Variants in GPR26 observed in about 807,000 individuals in gnomAD.
GPR26 encodes the protein G protein-coupled receptor 26.
A neutral mutation model predicts 23.1 loss-of-function variants in GPR26; 15 were observed. The observed-to-expected ratio is 0.65, with a 90% CI of 0.43 to 1.00. The LOEUF (loss-of-function observed/expected upper bound fraction) is 1.00, where lower values mean the gene tolerates loss of function less well. Among genes scored for constraint, GPR26 ranks in the 50% least tolerant of loss-of-function variants. The pLI is 0.00. For synonymous variants in GPR26, 228 were observed against 222.1 expected (o/e 1.03, Z -0.24); for missense variants, 359 against 470.5 (o/e 0.76, Z 2.19).
Position 123,674,926 on chromosome 10 carries a change from C to A in GPR26, c.777C>A (p.Ile259=). 6.3e-7 allele frequency: 1 copy of A among 1,597,882 alleles called. No homozygotes were observed. The highest frequency in any genetic ancestry group is 1.1e-5 in the South Asian group (1 of 90,354). Residue 259 remains isoleucine, a synonymous_variant, in exon 2 of 3, where the codon ATC becomes ATA. Transcript: ENST00000284674. The surrounding 1 kb of genome is among the most constrained non-coding windows in gnomAD (Gnocchi z 4.1). ...TTGTGTGCTTCGCGCCCTATGTGATCACCAGGTGAGCCTGATTGGCAGGTG... is the reference window on the plus strand; with the variant it reads ...TTGTGTGCTTCGCGCCCTATGTGATAACCAGGTGAGCCTGATTGGCAGGTG... ...TFLVCFAPYV[I]TRLVELFSTV...
At chr10:123,668,108 C>T (rs1422766908) in intron 1 of GPR26, among the ~76,000 whole-genome samples, 1 of 152,080 alleles carries the variant, frequency 6.6e-6, no homozygotes, top group Non-Finnish European at 1.5e-5. Flanking sequence ...ACAGGGCCAG[C>T]GAGGGCCTTC....
At chr10:123,680,829 G>A (rs55921586) in intron 2 of GPR26, among the ~76,000 whole-genome samples, 1 of 109,446 alleles carries the variant, frequency 9.1e-6, no homozygotes, top group Non-Finnish European at 1.7e-5. Context: ...TGTTTTTTTG[G>A]GGGGGGGGGT....
chr10:123,667,391 T>A (rs773103244), intron 1 of GPR26, among the ~76,000 whole-genome samples: 1 of 152,208 alleles, frequency 6.6e-6, no homozygotes, highest in Non-Finnish European at 1.5e-5. Flanking sequence ...AAATGGCACA[T>A]GGGAAGTCCG....
At chr10:123,673,329 C>A (rs987900268) in intron 1 of GPR26, among the ~76,000 whole-genome samples, 9 of 152,078 alleles carry the variant, frequency 5.9e-5, no homozygotes, top group Admixed American at 5.9e-4. Flanking sequence ...GGAAGGCTGC[C>A]CTGGCATTAG....
At chr10:123,679,141 T>C (rs767156955) in intron 2 of GPR26, among the ~76,000 whole-genome samples, 10 of 152,242 alleles carry the variant, frequency 6.6e-5, no homozygotes, top group Admixed American at 6.5e-4. Flanking sequence ...TGAAATGTAG[T>C]TGAAGATTTA....
chr10:123,678,222 C>T (rs1280070788), intron 2 of GPR26, among the ~76,000 whole-genome samples: 3 of 152,184 alleles, frequency 2.0e-5, no homozygotes, highest in Non-Finnish European at 4.4e-5. Context: ...CCGTGCCTGC[C>T]TTCTCTCTCT....
At chr10:123,678,058 A>G (rs1246662505) in intron 2 of GPR26, among the ~76,000 whole-genome samples, 2 of 152,244 alleles carry the variant, frequency 1.3e-5, no homozygotes, top group East Asian at 3.8e-4. Flanking sequence ...CAGTCAGGGC[A>G]ACATAGTGAG....
chr10:123,671,826 C>T (rs1203508488), intron 1 of GPR26, among the ~76,000 whole-genome samples: 1 of 152,170 alleles, frequency 6.6e-6, no homozygotes, highest in Non-Finnish European at 1.5e-5. Context: ...ACTTCCCAGT[C>T]CTCAGTGTTC....
At position 123,688,630 on chromosome 10, in the gene GPR26, G is replaced by GAC; in HGVS notation, c.*470_*471insAC. 5.9e-6 allele frequency: 1 copy of GAC among 170,112 alleles called. No homozygotes were observed. The highest frequency in any genetic ancestry group is 1.3e-5 in the Non-Finnish European group (1 of 78,706). 10.5% of individuals were successfully genotyped at this position (170,112 alleles called of 1,614,324 possible). On this transcript the variant is annotated 3_prime_UTR_variant, in exon 3 of 3. Transcript: ENST00000284674. ...GGTCATTTGGCCCGGATCTAACATG[G>GAC]CACCTCGTCTCCACAGGGTAGTGGT...
chr10:123,673,974 T>C (rs1391331162), intron 1 of GPR26, among the ~76,000 whole-genome samples: 2 of 152,148 alleles, frequency 1.3e-5, no homozygotes, highest in African/African-American at 4.8e-5. Flanking sequence ...TTGTCGTTGT[T>C]GAGACAAAGT....
chr10:123,677,419 C>T (rs1367034342), intron 2 of GPR26, among the ~76,000 whole-genome samples: 4 of 152,272 alleles, frequency 2.6e-5, no homozygotes, highest in East Asian at 1.9e-4. Flanking sequence ...GGCAGAACCC[C>T]GCCGGGCCCC....
chr10:123,671,565 C>G (rs1244945913), intron 1 of GPR26, among the ~76,000 whole-genome samples: 1 of 152,214 alleles, frequency 6.6e-6, no homozygotes, highest in Non-Finnish European at 1.5e-5. Flanking sequence ...CGCACTCTGA[C>G]TGAACGTACC....
At chr10:123,686,501 G>A (rs894717607) in intron 2 of GPR26, among the ~76,000 whole-genome samples, 6 of 152,198 alleles carry the variant, frequency 3.9e-5, no homozygotes, top group Non-Finnish European at 7.3e-5. Flanking sequence ...GCTAACTAGA[G>A]GGTCCTCAGA....
rs956946081 is a variant in GPR26, at chr10:123,688,244, C to T, written c.*84C>T. On this transcript the variant is annotated 3_prime_UTR_variant, in exon 3 of 3. Coordinates refer to ENST00000284674, the MANE Select transcript of GPR26 (RefSeq NM_153442.4). ...GGGCGTGGGGGCCCCTGGGTGGACA[C>T]CACCAGCCACCAGTCCCTGGCATGC... The T allele has an allele frequency of 3.8e-6, 3 of 793,426 alleles. No individual in the cohort carries two copies. The highest frequency in any genetic ancestry group is 4.2e-6 in the Non-Finnish European group (2 of 480,434). 49.1% of individuals were successfully genotyped at this position (793,426 alleles called of 1,614,324 possible).
rs1379880484 is a variant in GPR26, at chr10:123,691,313, C to T, written c.*3153C>T. On this transcript the variant is annotated 3_prime_UTR_variant, in exon 3 of 3. Transcript: ENST00000284674. ...GGCAGGAGGGGAAATGGATTTGAACCATCTCAGACCAACTCTATCTCTTCT... is the reference window on the plus strand; with the variant it reads ...GGCAGGAGGGGAAATGGATTTGAACTATCTCAGACCAACTCTATCTCTTCT... 2 of 152,198 alleles carry T rather than the reference C, an allele frequency of 1.3e-5. No individual in the cohort carries two copies. The highest frequency in any genetic ancestry group is 4.8e-5 in the African/African-American group (2 of 41,452). The allele number at this position is 152,198 out of a possible 1,614,324, so 9.4% of individuals were successfully genotyped here.
chr10:123,674,997 C>A lies in GPR26; in HGVS notation c.782+66C>A, dbSNP rs1176371429. ...TAAGGCAGGGCCCAGTGACCTTTAGCAGTGGCAGCCTCTCTTGGCCACACG... is the reference window on the plus strand; with the variant it reads ...TAAGGCAGGGCCCAGTGACCTTTAGAAGTGGCAGCCTCTCTTGGCCACACG... On this transcript the variant is annotated intron_variant, in intron 2 of 2. Coordinates refer to ENST00000284674, the MANE Select transcript of GPR26 (RefSeq NM_153442.4). This position sits in a 1 kb window ranked among gnomAD's most constrained non-coding sequence, Gnocchi z 4.1. 1.1e-6 allele frequency: 1 copy of A among 936,876 alleles called. No individual in the cohort carries two copies. The highest frequency in any genetic ancestry group is 1.7e-6 in the Non-Finnish European group (1 of 584,682). The allele number at this position is 936,876 out of a possible 1,614,324, so 58.0% of individuals were successfully genotyped here.
intron 2 of GPR26, among the ~76,000 whole-genome samples, chr10:123,675,270 C>T (rs1382208582): frequency 6.6e-6 from 1 of 152,018 alleles, no homozygotes; most frequent in Non-Finnish European, 1.5e-5. Context: ...ACATCATCTT[C>T]CCCAAAACCC....
In GPR26 at chr10:123,697,234, C is replaced by A. The variant is rs1845555236; in HGVS notation, c.*9074C>A. Among the ~76,000 whole-genome samples, 1 of 152,126 alleles carries A rather than the reference C, an allele frequency of 6.6e-6. No individual in the cohort carries two copies. Among genetic ancestry groups the A allele is most frequent in the African/African-American group, 2.4e-5 (1 of 41,424 alleles). On this transcript the variant is annotated 3_prime_UTR_variant, in exon 3 of 3. Coordinates refer to ENST00000284674, the MANE Select transcript of GPR26 (RefSeq NM_153442.4). The stretch of plus-strand genomic sequence containing the variant: ...AGCTGTTTTCTGTTGAAATGGGACT[C>A]AAGAATTTTGAATCCAAGGCCAATG...
intron 2 of GPR26, among the ~76,000 whole-genome samples, chr10:123,683,117 A>G (rs77206265): frequency 1.3e-5 from 1 of 75,800 alleles, no homozygotes; most frequent in Admixed American, 1.2e-4. Flanking sequence ...GTGTAAATAA[A>G]GGGTGCTAAT....
Sources: allele counts gnomAD v4.1 joint callset (sites outside exome capture counted in the v4.1 genomes callset), GRCh38; gene constraint gnomAD v4.1.1; non-coding constraint Gnocchi (gnomAD v3.1); transcripts MANE v1.5; gene names NCBI Gene and HGNC (gene_info 2026-07-23, HGNC 2026-07-21).